The following SLC27A4 variants were observed in gnomAD, a reference collection of about 807,000 sequenced individuals.
SLC27A4 encodes the protein long-chain fatty acid transport protein 4.
Under a neutral mutation model 64.4 loss-of-function variants are expected in SLC27A4, and 33 were observed. The ratio of observed to expected loss-of-function variants is 0.51; its 90% CI spans 0.39 to 0.68. SLC27A4 has a LOEUF of 0.68. SLC27A4 is among the 30% of genes least tolerant of loss of function. The pLI is 0.00. For synonymous variants in SLC27A4, 377 were observed against 370.0 expected (o/e 1.02, Z -0.22); for missense variants, 824 against 883.5 (o/e 0.93, Z 0.85).
intron 12 of SLC27A4, among the ~76,000 whole-genome samples, chr9:128,359,773 C>T (rs1832872135): frequency 6.6e-6 from 1 of 152,138 alleles, no homozygotes; most frequent in South Asian, 2.1e-4. Context: ...TCACTTCACT[C>T]CAGCCTGGGT....
At chr9:128,354,802 A>AT (rs1361581676) in intron 9 of SLC27A4, among the ~76,000 whole-genome samples, 3 of 151,678 alleles carry the variant, frequency 2.0e-5, no homozygotes, top group Non-Finnish European at 4.4e-5. Flanking sequence ...AAAAAAAAAA[A>AT]ATTAGCTGGG....
intron 12 of SLC27A4, among the ~76,000 whole-genome samples, chr9:128,357,628 C>T (rs1253658840): frequency 6.6e-6 from 1 of 152,206 alleles, no homozygotes; most frequent in East Asian, 1.9e-4. Flanking sequence ...AAGGCAGCAC[C>T]ATCTTTCTAT....
intron 10 of SLC27A4, 26 bp from the exon 11 acceptor site, chr9:128,355,372 C>A (rs760456850): frequency 1.4e-5 from 23 of 1,612,878 alleles, no homozygotes; most frequent in Non-Finnish European, 1.9e-5. Flanking sequence ...CCAGGCCCAG[C>A]CCTGCCTCAT....
In SLC27A4 at chr9:128,352,531, C is replaced by T. The variant is rs575481125; in HGVS notation, c.878-107C>T. Reference sequence around the variant, plus strand: ...GGCAGGCAGATGTGAGGTGCAGAAGCCTGCAGGGCAGCACAAGCCTGCCTG... The same window carrying T: ...GGCAGGCAGATGTGAGGTGCAGAAGTCTGCAGGGCAGCACAAGCCTGCCTG... On this transcript the variant is annotated intron_variant, in intron 6 of 12. Transcript: ENST00000300456. The T allele has an allele frequency of 1.1e-5, 10 of 884,754 alleles. No individual in the cohort carries two copies. The Admixed American group carries it at 2.0e-4, about 18-fold the overall frequency. 54.8% of individuals were successfully genotyped at this position (884,754 alleles called of 1,614,324 possible). A position where few individuals can be genotyped will look rare whatever the true frequency, so the allele number is the denominator to read the frequency against.
intron 1 of SLC27A4, among the ~76,000 whole-genome samples, chr9:128,341,885 T>G (rs2095016083): frequency 6.6e-6 from 1 of 152,164 alleles, no homozygotes; most frequent in Non-Finnish European, 1.5e-5. Flanking sequence ...GTTACAGGTG[T>G]GTGCCACCAT....
rs1471687250 is a variant in SLC27A4, at chr9:128,345,659, G to A, written c.556+110G>A. ...GTGTGGGTCAGTGGTTAAGGGCACA[G>A]AGTGGAGTCAGACAGCTTAGGCAGT... On this transcript the variant is annotated intron_variant, in intron 3 of 12. Transcript: ENST00000300456. This position sits in a 1 kb window ranked among gnomAD's most constrained non-coding sequence, Gnocchi z 4.1. 7.6e-7 allele frequency: 1 copy of A among 1,310,780 alleles called. No individual in the cohort carries two copies. Among genetic ancestry groups the A allele is most frequent in the African/African-American group, 1.5e-5 (1 of 67,806 alleles). 81.2% of individuals were successfully genotyped at this position (1,310,780 alleles called of 1,614,324 possible).
chr9:128,351,285 G>A (rs1832732667), intron 6 of SLC27A4, among the ~76,000 whole-genome samples: 2 of 150,980 alleles, frequency 1.3e-5, no homozygotes, highest in Non-Finnish European at 2.9e-5. Context: ...AAATTAGCTG[G>A]GTCTGGTGGC....
Position 128,353,484 on chromosome 9 carries a change from G to A in SLC27A4, c.1267G>A (p.Glu423Lys), listed in dbSNP as rs566260231. 5 of 1,614,112 alleles carry A rather than the reference G, an allele frequency of 3.1e-6. No homozygotes were observed. Among genetic ancestry groups the A allele is most frequent in the East Asian group, 4.5e-5 (2 of 44,864 alleles). Residue 423 changes from glutamate to lysine, a missense_variant, in exon 9 of 13, where the codon GAG (glutamate) becomes AAG (lysine). Coordinates refer to ENST00000300456, the MANE Select transcript of SLC27A4 (RefSeq NM_005094.4). This position sits in a 1 kb window ranked among gnomAD's most constrained non-coding sequence, Gnocchi z 4.9. ...CCCCATCCGGTTGGTACGTGTCAACGAGGACACCATGGAGCTGATCCGGGG... is the reference window on the plus strand; with the variant it reads ...CCCCATCCGGTTGGTACGTGTCAACAAGGACACCATGGAGCTGATCCGGGG... ...VYPIRLVRVNEDTMELIRGPD... is the reference protein window; with the variant it reads ...VYPIRLVRVNKDTMELIRGPD...
At chr9:128,342,339 A>G (rs775831921) in intron 1 of SLC27A4, 3 of 1,611,918 alleles carry the variant, frequency 1.9e-6, no homozygotes, top group Non-Finnish European at 2.5e-6. Flanking sequence ...AAACGATTGA[A>G]CAGGAGAAGC....
chr9:128,358,572 T>C (rs1487350040), intron 12 of SLC27A4, among the ~76,000 whole-genome samples: 1 of 152,234 alleles, frequency 6.6e-6, no homozygotes. Context: ...GCGTCCCCAG[T>C]AGCTGGGATT....
chr9:128,350,249 T>G, intron 4 of SLC27A4, 63 bp from the exon 5 acceptor site: 1 of 1,406,682 alleles, frequency 7.1e-7, no homozygotes, highest in Non-Finnish European at 1.0e-6. Context: ...AGGTGTCCAT[T>G]TGTGTGACCC....
At chr9:128,358,723 A>ACCC (rs1269706630) in intron 12 of SLC27A4, among the ~76,000 whole-genome samples, 12 of 152,238 alleles carry the variant, frequency 7.9e-5, no homozygotes, top group African/African-American at 2.7e-4. Flanking sequence ...CCGGGATTAC[A>ACCC]GGCGTGAGCC....
At chr9:128,342,625 A>T in intron 1 of SLC27A4, 1 of 451,230 alleles carries the variant, frequency 2.2e-6, no homozygotes, top group East Asian at 5.3e-5. Context: ...TGAAATCTAG[A>T]GTAAAACCAG....
At position 128,353,204 on chromosome 9, in the gene SLC27A4, C is replaced by T. The variant is rs755361442; in HGVS notation, c.1167C>T (p.Cys389=). The part of the protein sequence containing the change: ...QVAEFYGATE[C]NCSLGNFDSQ... ...CTGAGTTCTACGGGGCCACAGAGTGCAACTGTAGCCTGGGCAACTTCGACA... is the reference window on the plus strand; with the variant it reads ...CTGAGTTCTACGGGGCCACAGAGTGTAACTGTAGCCTGGGCAACTTCGACA... Residue 389 remains cysteine (C), a synonymous_variant, in exon 8 of 13, where the codon TGC becomes TGT. Transcript: ENST00000300456. This position sits in a 1 kb window ranked among gnomAD's most constrained non-coding sequence, Gnocchi z 4.9. The T allele has an allele frequency of 6.2e-7, 1 of 1,614,030 alleles. No individual in the cohort carries two copies. Among genetic ancestry groups the T allele is most frequent in the African/African-American group, 1.3e-5 (1 of 74,942 alleles).
intron 3 of SLC27A4, among the ~76,000 whole-genome samples, chr9:128,348,163 C>T (rs1244715909): frequency 1.3e-5 from 2 of 152,050 alleles, no homozygotes; most frequent in Non-Finnish European, 2.9e-5. Flanking sequence ...GTAAGTAGTG[C>T]GGGATAGTGG....
intron 12 of SLC27A4, among the ~76,000 whole-genome samples, chr9:128,356,392 AG>A: frequency 6.6e-6 from 1 of 152,334 alleles, no homozygotes; most frequent in East Asian, 1.9e-4. Context: ...GCCAAGTGAG[AG>A]GGGCAGGCAG....
intron 2 of SLC27A4, among the ~76,000 whole-genome samples, chr9:128,343,872 G>C (rs933622884): frequency 6.6e-6 from 1 of 152,232 alleles, no homozygotes; most frequent in Non-Finnish European, 1.5e-5. Context: ...GCTCAGATTG[G>C]TCAGGAGAAA....
Position 128,350,506 on chromosome 9 carries a change from G to A in SLC27A4, c.808G>A (p.Val270Met), listed in dbSNP as rs1462777232. The A allele has an allele frequency of 1.9e-6, 3 of 1,613,988 alleles. No individual in the cohort carries two copies. Among genetic ancestry groups the A allele is most frequent in the African/African-American group, 2.7e-5 (2 of 74,936 alleles). ...HSRYYRMAAL[V>M]YYGFRMRPND... Reference sequence around the variant, plus strand: ...CAGGTATTACCGCATGGCTGCCCTGGTGTACTATGGATTCCGCATGCGGCC... The same window carrying A: ...CAGGTATTACCGCATGGCTGCCCTGATGTACTATGGATTCCGCATGCGGCC... The change falls in exon 6 of 13, where the codon GTG (valine) becomes ATG (methionine). Residue 270 changes from valine to methionine, a missense_variant. Transcript: ENST00000300456.
rs748681195 is a variant in SLC27A4, at chr9:128,353,104, G to T, written c.1067G>T (p.Arg356Leu). 4 of 1,614,136 alleles carry T rather than the reference G, an allele frequency of 2.5e-6. No individual in the cohort carries two copies. Among genetic ancestry groups the T allele is most frequent in the Non-Finnish European group, 3.4e-6 (4 of 1,180,018 alleles). ...GAGGCAGAAAACCAGCACCAGGTTC[G>T]CATGGCACTAGGCAATGGCCTCCGG... Reference protein sequence around the residue: ...PREAENQHQVRMALGNGLRQS... With the variant: ...PREAENQHQVLMALGNGLRQS... The change falls in exon 8 of 13, where the codon CGC (arginine) becomes CTC (leucine). Residue 356 changes from arginine (R) to leucine (L), a missense_variant. Coordinates refer to ENST00000300456, the MANE Select transcript of SLC27A4 (RefSeq NM_005094.4). The surrounding 1 kb of genome is among the most constrained non-coding windows in gnomAD (Gnocchi z 4.9).
Sources: gnomAD v4.1 joint callset for allele counts (sites outside exome capture counted in the v4.1 genomes callset) on GRCh38, gnomAD v4.1.1 for gene constraint, Gnocchi (gnomAD v3.1) non-coding constraint, MANE v1.5 for transcripts, NCBI Gene and HGNC (gene_info 2026-07-23, HGNC 2026-07-21) for gene names.